TXNDC5: variants seen among roughly 807,000 people sequenced by gnomAD.
TXNDC5 encodes thioredoxin domain-containing protein 5.
In TXNDC5, 44 loss-of-function variants were observed where a neutral mutation model predicts 52.6. The observed-to-expected ratio is 0.84, with a 90% CI of 0.66 to 1.08. The LOEUF (loss-of-function observed/expected upper bound fraction) is 1.08. TXNDC5 is among the 50% of genes least tolerant of loss of function. The pLI is 0.00. For synonymous variants in TXNDC5, 241 were observed against 234.4 expected, an observed-to-expected ratio of 1.03 and a Z score of -0.26; for missense variants, 600 against 565.5, an observed-to-expected ratio of 1.06 and a Z score of -0.62.
chr6:7,906,260 G>A (rs950352163), intron 1 of TXNDC5, among the ~76,000 whole-genome samples: 5 of 151,814 alleles, frequency 3.3e-5, no homozygotes, highest in East Asian at 1.9e-4. Context: ...GATTTAAGCC[G>A]GGTGTGGTGG....
chr6:7,897,398 TAAAG>T, intron 3 of TXNDC5, among the ~76,000 whole-genome samples: 1 of 152,324 alleles, frequency 6.6e-6, no homozygotes. Flanking sequence ...GGTATACAGA[TAAAG>T]AACTTTTTTT....
At chr6:7,884,249 C>T (rs1759874969) in intron 9 of TXNDC5, 110 bp downstream of exon 9, 3 of 1,446,560 alleles carry the variant, frequency 2.1e-6, no homozygotes, top group East Asian at 4.6e-5. Flanking sequence ...ACATAAAAAC[C>T]ACATTGTTGA....
intron 5 of TXNDC5, 142 bp from the exon 6 acceptor site, chr6:7,889,723 T>C: frequency 1.6e-6 from 1 of 626,968 alleles, no homozygotes; most frequent in Non-Finnish European, 2.8e-6. Context: ...GGTGCAGTTT[T>C]TGAAGAGAAT....
intron 1 of TXNDC5, among the ~76,000 whole-genome samples, chr6:7,905,264 T>C (rs1333893487): frequency 6.6e-6 from 1 of 152,212 alleles, no homozygotes; most frequent in African/African-American, 2.4e-5. Context: ...CTGGAAAGCC[T>C]CTCTACTCCT....
intron 3 of TXNDC5, 69 bp from the exon 4 acceptor site, chr6:7,895,271 CTG>C: frequency 6.9e-7 from 1 of 1,456,016 alleles, no homozygotes; most frequent in Non-Finnish European, 9.4e-7. Context: ...CAGGAGGTGA[CTG>C]TGTCTGTGGG....
At chr6:7,907,823 C>T (rs1760785519) in intron 1 of TXNDC5, among the ~76,000 whole-genome samples, 1 of 152,186 alleles carries the variant, frequency 6.6e-6, no homozygotes, top group South Asian at 2.1e-4. Context: ...CCCCTGCTGA[C>T]CTCCCATTTG....
chr6:7,902,423 C>T (rs559770519), intron 2 of TXNDC5, among the ~76,000 whole-genome samples: 2 of 152,288 alleles, frequency 1.3e-5, no homozygotes, highest in African/African-American at 4.8e-5. Flanking sequence ...AAACTCCCTG[C>T]CCCTCCAATC....
intron 2 of TXNDC5, among the ~76,000 whole-genome samples, chr6:7,902,468 C>A (rs940597730): frequency 6.6e-6 from 1 of 152,196 alleles, no homozygotes; most frequent in South Asian, 2.1e-4. Context: ...GAAAGAATAA[C>A]GTGAAAGCTC....
chr6:7,884,271 C>A, intron 9 of TXNDC5, 88 bp downstream of exon 9: 1 of 1,545,080 alleles, frequency 6.5e-7, no homozygotes, highest in South Asian at 1.2e-5. Flanking sequence ...AAGATGAGAG[C>A]AGAGTGAGTT....
rs1321331541 is a variant in TXNDC5 at position 7,891,724 on chromosome 6, A to G, written c.629T>C (p.Ile210Thr). 1 of 1,613,632 alleles carries G rather than the reference A, an allele frequency of 6.2e-7. No individual in the cohort carries two copies. The highest frequency in any genetic ancestry group is 1.3e-5 in the African/African-American group (1 of 75,042). The change falls in exon 5 of 10, where the codon ATC becomes ACC. Residue 210 changes from isoleucine (I) to threonine (T), a missense_variant. Ile to Thr is a moderately conservative substitution (Grantham distance 89). Transcript: ENST00000379757. The stretch of plus-strand genomic sequence containing the variant: ...ACCACACCACGGAGCGAAGAACTTG[A>G]TAAAGTGGTCGCCTGGAGTGGAGAG... The part of the protein sequence containing the change: ...ELHVAQGDHF[I>T]KFFAPWCGHC...
chr6:7,883,831 A>G (rs992693444), intron 9 of TXNDC5, among the ~76,000 whole-genome samples: 3 of 152,224 alleles, frequency 2.0e-5, no homozygotes, highest in Admixed American at 2.0e-4. Flanking sequence ...AAAAAAAATG[A>G]CAAATCTTCC....
At chr6:7,899,803 C>A in intron 2 of TXNDC5, 122 bp from the exon 3 acceptor site, 1 of 577,476 alleles carries the variant, frequency 1.7e-6, no homozygotes, top group Admixed American at 3.3e-5. Context: ...CATGTATCTG[C>A]TCCTCTCTGA....
chr6:7,889,445 G>C, intron 6 of TXNDC5, 50 bp downstream of exon 6: 1 of 1,542,052 alleles, frequency 6.5e-7, no homozygotes, highest in Non-Finnish European at 8.9e-7. Context: ...AGCTCAGCCT[G>C]ATGGGGTTAA....
intron 7 of TXNDC5, 112 bp from the exon 8 acceptor site, chr6:7,886,155 A>G: frequency 3.6e-6 from 3 of 835,624 alleles, no homozygotes; most frequent in Non-Finnish European, 5.8e-6. Context: ...GCAGTTACGT[A>G]GGCTCCAAGG....
chr6:7,883,360 G>C, intron 9 of TXNDC5, 94 bp from the exon 10 acceptor site: 1 of 1,571,340 alleles, frequency 6.4e-7, no homozygotes, highest in East Asian at 2.3e-5. Context: ...CTACCGTTGT[G>C]GCTGGAAAAA....
intron 8 of TXNDC5, among the ~76,000 whole-genome samples, chr6:7,885,466 C>T (rs1011935687): frequency 6.6e-6 from 1 of 152,206 alleles, no homozygotes; most frequent in African/African-American, 2.4e-5. Context: ...TCCAAGACCA[C>T]GTGGCATGCA....
At position 7,889,583 on chromosome 6, in the gene TXNDC5, TGA is replaced by T; in HGVS notation, c.733-4_733-3del. On this transcript the variant is annotated splice_polypyrimidine_tract_variant and splice_region_variant and intron_variant, in intron 5 of 9. Coordinates refer to ENST00000379757, the MANE Select transcript of TXNDC5 (RefSeq NM_030810.5). ...TTCATAGTGCTGTGTACAATCAACC[TGA>T]GAATAAAAGCAGATCAACTTCCCAG... The T allele has an allele frequency of 6.2e-7, 1 of 1,605,876 alleles. No homozygotes were observed. The highest frequency in any genetic ancestry group is 8.5e-7 in the Non-Finnish European group (1 of 1,173,064).
chr6:7,905,914 TCTC>T (rs1357228041), intron 1 of TXNDC5, among the ~76,000 whole-genome samples: 1 of 152,218 alleles, frequency 6.6e-6, no homozygotes, highest in East Asian at 1.9e-4. Context: ...ATCTGTTAAA[TCTC>T]CTTTTATTTT....
At chr6:7,907,361 G>A (rs1338423718) in intron 1 of TXNDC5, among the ~76,000 whole-genome samples, 1 of 152,154 alleles carries the variant, frequency 6.6e-6, no homozygotes, top group African/African-American at 2.4e-5. Flanking sequence ...GAGACAGGCA[G>A]CTGCACTCAG....
Sources: allele counts gnomAD v4.1 joint callset (sites outside exome capture counted in the v4.1 genomes callset), GRCh38; gene constraint gnomAD v4.1.1; transcripts MANE v1.5; gene names NCBI Gene and HGNC (gene_info 2026-07-23, HGNC 2026-07-21).